Variants in PIK3R2 observed in about 807,000 individuals in gnomAD.
PIK3R2 encodes phosphoinositide-3-kinase regulatory subunit 2.
A neutral mutation model predicts 78.5 loss-of-function variants in PIK3R2; 40 were observed. The observed-to-expected ratio is 0.51, with a 90% CI of 0.40 to 0.66. The LOEUF is 0.66. Among genes scored for constraint, PIK3R2 ranks in the 30% least tolerant of loss-of-function variants. The pLI is 0.00. For synonymous variants in PIK3R2, 473 were observed against 457.7 expected, an observed-to-expected ratio of 1.03 and a Z score of -0.43; for missense variants, 880 against 1,026.6, an observed-to-expected ratio of 0.86 and a Z score of 1.95.
rs2043822085 is a variant in PIK3R2, at chr19:18,167,540, A to G, written c.1736+234A>G. Among the ~76,000 whole-genome samples the G allele has an allele frequency of 6.6e-6, 1 of 152,078 alleles. No individual in the cohort carries two copies. The highest frequency in any genetic ancestry group is 1.5e-5 in the Non-Finnish European group (1 of 68,024). Reference sequence around the variant, plus strand: ...CTCCTATCCCATTCCATTTTGTGGAAAGTTGGAAGCCTTCCACAAAAATTC... The same window carrying G: ...CTCCTATCCCATTCCATTTTGTGGAGAGTTGGAAGCCTTCCACAAAAATTC... On this transcript the variant is annotated intron_variant, in intron 13 of 15. Transcript: ENST00000222254. The surrounding 1 kb of genome is among the most constrained non-coding windows in gnomAD (Gnocchi z 4.5).
In PIK3R2 at chr19:18,155,532, C is replaced by T. The variant is rs1167553732; in HGVS notation, c.-348C>T. 4.5e-6 allele frequency: 2 copies of T among 445,262 alleles called. No homozygotes were observed. Among genetic ancestry groups the T allele is most frequent in the East Asian group, 7.1e-5 (2 of 28,322 alleles). 27.6% of individuals were successfully genotyped at this position (445,262 alleles called of 1,614,324 possible). ...CCTTGTCTGGTGCAGCCAGCAGAGC[C>T]GCCAGCCTTGGGCGCCCATGGCCCT... On this transcript the variant is annotated 5_prime_UTR_variant, in exon 2 of 16. Transcript: ENST00000222254.
In PIK3R2 at chr19:18,168,808, C is replaced by T; in HGVS notation, c.1891C>T (p.Gln631Ter). The change falls in exon 15 of 16, where the codon CAG becomes TAG. Residue 631 changes from glutamine (Q) to a stop codon, truncating the protein, a stop_gained. Transcript: ENST00000222254. LOFTEE classifies it high-confidence loss of function. The surrounding 1 kb of genome is among the most constrained non-coding windows in gnomAD (Gnocchi z 4.1). ...GTACGTGGGCAAGATCAACCGCACG[C>T]AGGCAGAGGAGATGCTGAGTGGCAA... ...TWYVGKINRT[Q>*]AEEMLSGKRD... is the part of the protein sequence containing the mutation. The T allele has an allele frequency of 1.2e-6, 2 of 1,613,938 alleles. No homozygotes were observed. Among genetic ancestry groups the T allele is most frequent in the Non-Finnish European group, 1.7e-6 (2 of 1,179,898 alleles).
chr19:18,162,729 T>A lies in PIK3R2; in HGVS notation c.1109+223T>A, dbSNP rs1985976. The A allele has an allele frequency of 0.76, 361,832 of 476,566 alleles. 125,922 individuals are homozygous for A. Among genetic ancestry groups the A allele is most frequent in the Admixed American group, 0.78 (22,222 of 28,640 alleles). The allele number at this position is 476,566 out of a possible 1,614,324, so 29.5% of individuals were successfully genotyped here. On this transcript the variant is annotated intron_variant, in intron 9 of 15. Transcript: ENST00000222254. ...TGAAACCCCGTCTCTACTAAAAAAT[T>A]AAAAAAAAAAATTAGCCAGGCATGG...
intron 3 of PIK3R2, 108 bp from the exon 4 acceptor site, chr19:18,160,811 A>T: frequency 1.3e-5 from 16 of 1,234,302 alleles, no homozygotes; most frequent in Non-Finnish European, 1.6e-5. Flanking sequence ...CCATGCCCTT[A>T]TCTCTGGGCA....
In PIK3R2 at chr19:18,161,507, G is replaced by A; in HGVS notation, c.815+12G>A. The A allele has an allele frequency of 2.0e-6, 2 of 1,009,012 alleles. 1 individual carries two copies. Among genetic ancestry groups the A allele is most frequent in the South Asian group, 9.4e-5 (2 of 21,176 alleles). 62.5% of individuals were successfully genotyped at this position (1,009,012 alleles called of 1,614,324 possible). A position where few individuals can be genotyped will look rare whatever the true frequency, so the allele number is the denominator to read the frequency against. On this transcript the variant is annotated intron_variant, in intron 6 of 15. Transcript: ENST00000222254. This position sits in a 1 kb window ranked among gnomAD's most constrained non-coding sequence, Gnocchi z 5.3. ...GGCGCTCCCGACGGGTGAGGGGCGG[G>A]GCGGAGCCGGAGCGAGCAGGGGTGG...
chr19:18,165,580 G>T (rs1229972973), intron 11 of PIK3R2, among the ~76,000 whole-genome samples: 1 of 152,080 alleles, frequency 6.6e-6, no homozygotes, highest in Non-Finnish European at 1.5e-5. Context: ...GCCCAGGCTG[G>T]CCTCAGACTC....
At chr19:18,164,000 G>A (rs562378870) in intron 11 of PIK3R2, among the ~76,000 whole-genome samples, 13 of 151,408 alleles carry the variant, frequency 8.6e-5, no homozygotes, top group Non-Finnish European at 1.6e-4. Context: ...GGTGGCGGAC[G>A]CCTGTAATCC....
At position 18,153,260 on chromosome 19, in the gene PIK3R2, ACGGCGGCTG is replaced by A. The variant is rs1436745030; in HGVS notation, c.-450_-442del. The A allele has an allele frequency of 6.4e-6, 1 of 155,230 alleles. No individual in the cohort carries two copies. Among genetic ancestry groups the A allele is most frequent in the Non-Finnish European group, 1.4e-5 (1 of 70,068 alleles). 9.6% of individuals were successfully genotyped at this position (155,230 alleles called of 1,614,324 possible). On this transcript the variant is annotated 5_prime_UTR_variant, in exon 1 of 16. Coordinates refer to ENST00000222254, the MANE Select transcript of PIK3R2 (RefSeq NM_005027.4). The stretch of plus-strand genomic sequence containing the variant: ...CACGGGGCGGGCTTGGCTTGGTGTG[ACGGCGGCTG>A]CGGCGGCGGTGGCGGCCGCGACCAG...
chr19:18,169,165 C>T lies in PIK3R2; in HGVS notation c.2058C>T (p.Tyr686=), dbSNP rs751527809. The T allele has an allele frequency of 5.6e-6, 9 of 1,609,354 alleles. No individual in the cohort carries two copies. The South Asian group carries it at 8.8e-5, about 16-fold the overall frequency. The change falls in exon 16 of 16, where the codon TAC becomes TAT. Residue 686 remains tyrosine, a synonymous_variant. Coordinates refer to ENST00000222254, the MANE Select transcript of PIK3R2 (RefSeq NM_005027.4). ...GCTTCGCGGAGCCCTACAACCTGTA[C>T]GGGTCGCTGAAGGAGCTGGTGCTGC... ...GFGFAEPYNL[Y]GSLKELVLHY... is the part of the protein sequence containing the mutation.
chr19:18,155,687 C>G lies in PIK3R2; in HGVS notation c.-193C>G, dbSNP rs896881741. On this transcript the variant is annotated 5_prime_UTR_variant, in exon 2 of 16. Transcript: ENST00000222254. ...GAATGGTGGACCCAGTGACGAGTGG[C>G]CCTTGTAAGGGTCATGGAATAATTT... 5 of 564,988 alleles carry G rather than the reference C, an allele frequency of 8.8e-6. No homozygotes were observed. Among genetic ancestry groups the G allele is most frequent in the African/African-American group, 8.0e-5 (4 of 50,130 alleles). The allele number at this position is 564,988 out of a possible 1,614,324, so 35.0% of individuals were successfully genotyped here.
rs764498134 is a variant in PIK3R2 at position 18,167,191 on chromosome 19, A to T, written c.1621A>T (p.Lys541Ter). ...RIAEIHESRTKLEQQLRAQAS... is the reference protein window; with the variant it reads ...RIAEIHESRT ...TGCCGAGATCCATGAGAGCCGCACG[A>T]AGCTGGAGCAGCAGCTGCGGGCCCA... The change falls in exon 13 of 16, where the codon AAG (lysine) becomes TAG (stop). Residue 541 changes from lysine (K) to a stop codon, truncating the protein, a stop_gained. Transcript: ENST00000222254. LOFTEE classifies it high-confidence loss of function. The surrounding 1 kb of genome is among the most constrained non-coding windows in gnomAD (Gnocchi z 4.5). 3 of 1,611,600 alleles carry T rather than the reference A, an allele frequency of 1.9e-6. No homozygotes were observed. Among genetic ancestry groups the T allele is most frequent in the Non-Finnish European group, 2.5e-6 (3 of 1,179,016 alleles).
rs1263490314 is a variant in PIK3R2 at position 18,166,240 on chromosome 19, G to A, written c.1497G>A (p.Glu499=). The A allele has an allele frequency of 6.2e-7, 1 of 1,614,052 alleles. No homozygotes were observed. The highest frequency in any genetic ancestry group is 8.5e-7 in the Non-Finnish European group (1 of 1,180,036). The change falls in exon 12 of 16, where the codon GAG becomes GAA. Residue 499 remains glutamate, a synonymous_variant. Coordinates refer to ENST00000222254, the MANE Select transcript of PIK3R2 (RefSeq NM_005027.4). ...KIFEEQGQTQ[E]KCSKEYLERF... ...TTGAAGAGCAGGGCCAGACTCAAGA[G>A]AAATGCAGCAAGGAATACCTGGAGC... is the stretch of plus-strand genomic sequence containing the variant.
rs756943808 is a variant in PIK3R2, at chr19:18,155,920, C to T, written c.41C>T (p.Pro14Leu). The T allele has an allele frequency of 1.9e-6, 3 of 1,566,446 alleles. No individual in the cohort carries two copies. The highest frequency in any genetic ancestry group is 2.6e-6 in the Non-Finnish European group (3 of 1,155,966). Residue 14 changes from proline to leucine, a missense_variant, in exon 2 of 16, where the codon CCG becomes CTG. By Grantham distance (98) the Pro-to-Leu change is moderately conservative. Around this residue, in one of 3 missense-constraint regions of PIK3R2, gnomAD observed 456 missense variants for 486.6 expected, o/e 0.94. Coordinates refer to ENST00000222254, the MANE Select transcript of PIK3R2 (RefSeq NM_005027.4). ...GGCTTCCAGTACCGCGCTCTGTACC[C>T]GTTCCGCCGGGAGCGGCCGGAGGAC... ...PEGFQYRALY[P>L]FRRERPEDLE...
intron 2 of PIK3R2, among the ~76,000 whole-genome samples, chr19:18,158,512 AC>A (rs757605774): frequency 6.7e-6 from 1 of 150,202 alleles, no homozygotes; most frequent in Admixed American, 6.6e-5. Flanking sequence ...AACAACAACA[AC>A]AACAAAAAAC....
In PIK3R2 at chr19:18,169,471, A is replaced by G. The variant is rs1438759584; in HGVS notation, c.*177A>G. On this transcript the variant is annotated 3_prime_UTR_variant, in exon 16 of 16. Coordinates refer to ENST00000222254, the MANE Select transcript of PIK3R2 (RefSeq NM_005027.4). Reference sequence around the variant, plus strand: ...TTTCCTTCCCTCCCCCATTCTCCAGATCTCCCTCTGTCTCCTTTTCTCTGT... The same window carrying G: ...TTTCCTTCCCTCCCCCATTCTCCAGGTCTCCCTCTGTCTCCTTTTCTCTGT... 1.1e-5 allele frequency: 4 copies of G among 356,956 alleles called. No individual in the cohort carries two copies. The highest frequency in any genetic ancestry group is 2.0e-5 in the Non-Finnish European group (4 of 199,164). 22.1% of individuals were successfully genotyped at this position (356,956 alleles called of 1,614,324 possible). A position where few individuals can be genotyped will look rare whatever the true frequency, so the allele number is the denominator to read the frequency against.
At chr19:18,162,609 C>A in intron 9 of PIK3R2, 103 bp downstream of exon 9, 2 of 952,998 alleles carry the variant, frequency 2.1e-6, no homozygotes, top group Non-Finnish European at 3.2e-6. Context: ...GAGGGCCAGG[C>A]ACGGTGGCTT....
intron 2 of PIK3R2, among the ~76,000 whole-genome samples, chr19:18,160,207 T>C (rs547661613): frequency 2.2e-4 from 34 of 152,358 alleles, no homozygotes; most frequent in Middle Eastern, 3.4e-3. Flanking sequence ...GGGGACTTTA[T>C]TCAGCGCACT....
chr19:18,154,453 ACTC>A (rs981887802), intron 1 of PIK3R2, among the ~76,000 whole-genome samples: 9 of 149,834 alleles, frequency 6.0e-5, no homozygotes, highest in African/African-American at 1.7e-4. Context: ...CAGCCCACTC[ACTC>A]CTCCTCTGCA....
In PIK3R2 at chr19:18,156,947, C is replaced by A. The variant is rs1300284416; in HGVS notation, c.322+746C>A. Among the ~76,000 whole-genome samples, 1 of 152,148 alleles carries A rather than the reference C, an allele frequency of 6.6e-6. No individual in the cohort carries two copies. Among genetic ancestry groups the A allele is most frequent in the African/African-American group, 2.4e-5 (1 of 41,436 alleles). ...TGTGGCCCAGGTTGCAAGGAGGAGG[C>A]TAAGAGGTGCTGCATGCTCGGCATG... On this transcript the variant is annotated intron_variant, in intron 2 of 15. Transcript: ENST00000222254. This position sits in a 1 kb window ranked among gnomAD's most constrained non-coding sequence, Gnocchi z 4.2.
Sources: allele counts gnomAD v4.1 joint callset (sites outside exome capture counted in the v4.1 genomes callset), GRCh38; gene constraint gnomAD v4.1.1; regional missense constraint gnomAD v4.1.1; non-coding constraint Gnocchi (gnomAD v3.1); transcripts MANE v1.5; gene names NCBI Gene and HGNC (gene_info 2026-07-23, HGNC 2026-07-21).